MTMR1: variants seen among roughly 807,000 people sequenced by gnomAD.
MTMR1 encodes myotubularin related protein 1, also known as phosphatidylinositol-3-phosphate phosphatase MTMR1.
MTMR1 carries 17 observed loss-of-function variants against 51.6 expected under a neutral mutation model. That is an observed-to-expected ratio of 0.33 (90% CI 0.23 to 0.49). MTMR1 has a LOEUF of 0.49. Ranked by LOEUF, MTMR1 falls within the 20% of genes least tolerant of loss-of-function variation. The pLI is 0.99. For synonymous variants in MTMR1, 201 were observed against 205.6 expected (o/e 0.98, Z 0.19); for missense variants, 386 against 526.9 (o/e 0.73, Z 2.62).
intron 12 of MTMR1, 80 bp from the exon 13 acceptor site, chrX:150,744,281 C>T (rs1208697810): frequency 1.3e-6 from 1 of 777,417 alleles, no homozygotes; most frequent in Admixed American, 2.5e-5. Flanking sequence ...AGATGTGATT[C>T]TTACCACTGG....
intron 1 of MTMR1, among the ~76,000 whole-genome samples, chrX:150,695,540 G>T (rs782768215): frequency 8.9e-6 from 1 of 112,239 alleles, no homozygotes; most frequent in African/African-American, 3.2e-5. Flanking sequence ...GTTGGTATGA[G>T]AGAAGAATCT....
rs145629629 is a variant in MTMR1, at chrX:150,710,318, T to C, written c.253-2024T>C. On this transcript the variant is annotated intron_variant, in intron 2 of 15. Transcript: ENST00000445323. The stretch of plus-strand genomic sequence containing the variant: ...GTGCCTTGGTTTTCTCATCAAAACA[T>C]GGGGCCAGTTATAGGTGTTTTTTTC... Among the ~76,000 whole-genome samples the C allele has an allele frequency of 6.1e-3, 684 of 111,764 alleles. 5 individuals carry two copies. Among genetic ancestry groups the C allele is most frequent in the African/African-American group, 0.021 (647 of 30,706 alleles).
chrX:150,754,835 G>A (rs1478073065), intron 14 of MTMR1, among the ~76,000 whole-genome samples: 4 of 110,256 alleles, frequency 3.6e-5, no homozygotes, highest in Non-Finnish European at 7.6e-5. Flanking sequence ...ACCAGCCTGG[G>A]CAACACAGTG....
At position 150,716,017 on chromosome X, in the gene MTMR1, G is replaced by A. The variant is rs528570489; in HGVS notation, c.277-2608G>A. On this transcript the variant is annotated intron_variant, in intron 3 of 15. Coordinates refer to ENST00000445323, the MANE Select transcript of MTMR1 (RefSeq NM_001306144.3). Reference sequence around the variant, plus strand: ...TTTTATTAGCTAGTCCTGGATTGAGGACTTTAAAATGTTTGATGTGGCTTG... The same window carrying A: ...TTTTATTAGCTAGTCCTGGATTGAGAACTTTAAAATGTTTGATGTGGCTTG... Among the ~76,000 whole-genome samples, 17 of 112,464 alleles carry A rather than the reference G, an allele frequency of 1.5e-4. No homozygotes were observed. In the South Asian group the frequency reaches 3.3e-3, roughly 22 times the overall value.
chrX:150,751,328 C>T (rs1243735704), intron 14 of MTMR1: 8 of 548,791 alleles, frequency 1.5e-5, no homozygotes, highest in Non-Finnish European at 1.8e-5. Flanking sequence ...TTCTTTTTCC[C>T]TCAGTGTGGG....
intron 1 of MTMR1, among the ~76,000 whole-genome samples, chrX:150,696,819 T>A (rs1318320888): frequency 9.0e-6 from 1 of 111,513 alleles, no homozygotes; most frequent in African/African-American, 3.3e-5. Context: ...TGGATACAGA[T>A]CCATGTATTT....
intron 3 of MTMR1, chrX:150,714,403 CT>C: frequency 1.5e-6 from 1 of 687,458 alleles, no homozygotes; most frequent in African/African-American, 2.2e-5. Flanking sequence ...AAATTCTGTC[CT>C]TTCACCTGTC....
chrX:150,750,542 G>T (rs1238683511), intron 13 of MTMR1, among the ~76,000 whole-genome samples, 188 bp from the exon 14 acceptor site: 1 of 112,188 alleles, frequency 8.9e-6, no homozygotes, highest in Non-Finnish European at 1.9e-5. Context: ...GTTGCTGCTG[G>T]TTGTTTCTCA....
intron 2 of MTMR1, among the ~76,000 whole-genome samples, chrX:150,706,971 C>T (rs967268422): frequency 9.2e-6 from 1 of 108,458 alleles, no homozygotes; most frequent in Admixed American, 9.8e-5. Flanking sequence ...TTTTTTTCCA[C>T]CAAGACATGA....
Position 150,693,540 on chromosome X carries a change from CCGGCGG to C in MTMR1, c.26_31del (p.Ala9_Ala10del), listed in dbSNP as rs782326539. The stretch of plus-strand genomic sequence containing the variant: ...CAGGACTCGGCGCGCCATGGACAGG[CCGGCGG>C]CGGCGGCGGCGGCGGGCTGCGAGGG... On this transcript the variant is annotated inframe_deletion, in exon 1 of 16. Coordinates refer to ENST00000445323, the MANE Select transcript of MTMR1 (RefSeq NM_001306144.3). 6.9e-5 allele frequency: 52 copies of C among 757,234 alleles called. No homozygotes were observed. Among genetic ancestry groups the C allele is most frequent in the Non-Finnish European group, 7.8e-5 (50 of 642,403 alleles). The allele number at this position is 757,234 out of a possible 1,213,427, so 62.4% of individuals were successfully genotyped here.
intron 15 of MTMR1, among the ~76,000 whole-genome samples, chrX:150,756,989 A>G (rs1373538023): frequency 8.9e-6 from 1 of 112,057 alleles, no homozygotes; most frequent in Non-Finnish European, 1.9e-5. Context: ...TCAGAGTTTA[A>G]CTGCAGTCCA....
At chrX:150,694,901 G>A (rs2040615693) in intron 1 of MTMR1, among the ~76,000 whole-genome samples, 1 of 112,136 alleles carries the variant, frequency 8.9e-6, no homozygotes, top group African/African-American at 3.2e-5. Context: ...TGGTAGAGGC[G>A]AACACAGAAG....
chrX:150,699,689 C>T (rs2148548930), intron 2 of MTMR1, among the ~76,000 whole-genome samples: 1 of 112,512 alleles, frequency 8.9e-6, no homozygotes, highest in Admixed American at 9.4e-5. Flanking sequence ...TCAGCATTAA[C>T]ATGTGATACT....
intron 11 of MTMR1, 118 bp downstream of exon 11, chrX:150,736,898 T>C: frequency 2.7e-6 from 2 of 731,333 alleles, no homozygotes; most frequent in Non-Finnish European, 3.8e-6. Context: ...TATTCAATAG[T>C]TTCCATGGAC....
intron 14 of MTMR1, among the ~76,000 whole-genome samples, chrX:150,753,319 G>C (rs1380916517): frequency 8.9e-6 from 1 of 111,874 alleles, no homozygotes; most frequent in Non-Finnish European, 1.9e-5. Context: ...TTTTTATGTG[G>C]ACATACGCCT....
chrX:150,727,607 T>G, intron 5 of MTMR1, 77 bp from the exon 6 acceptor site: 1 of 801,628 alleles, frequency 1.2e-6, no homozygotes. Flanking sequence ...AAACATGTTT[T>G]GTAACCCAGC....
At chrX:150,694,948 G>A (rs1234988201) in intron 1 of MTMR1, among the ~76,000 whole-genome samples, 1 of 112,419 alleles carries the variant, frequency 8.9e-6, no homozygotes, top group Non-Finnish European at 1.9e-5. Context: ...CATTTAAGAA[G>A]CCAAAGGAGA....
At chrX:150,701,426 T>G (rs1225367326) in intron 2 of MTMR1, among the ~76,000 whole-genome samples, 1 of 112,282 alleles carries the variant, frequency 8.9e-6, no homozygotes, top group African/African-American at 3.2e-5. Context: ...ATCTGTTGTG[T>G]AAATGTCTTA....
chrX:150,713,044 A>T, intron 3 of MTMR1: 4 of 679,311 alleles, frequency 5.9e-6, no homozygotes, highest in Non-Finnish European at 7.5e-6. Flanking sequence ...GGATTTTGAT[A>T]GTATAATAAC....
Sources: allele counts gnomAD v4.1 joint callset (sites outside exome capture counted in the v4.1 genomes callset), GRCh38; gene constraint gnomAD v4.1.1; transcripts MANE v1.5; gene names NCBI Gene and HGNC (gene_info 2026-07-23, HGNC 2026-07-21).